GLI3: variants seen among roughly 807,000 people sequenced by gnomAD.
GLI3 encodes transcription activator GLI3.
GLI3 carries 20 observed loss-of-function variants against 100.8 expected under a neutral mutation model. That is an observed-to-expected ratio of 0.20 (90% CI 0.14 to 0.29). GLI3 has a LOEUF of 0.29. GLI3 is among the 10% of genes least tolerant of loss of function. GLI3 has a pLI of 1.00. For synonymous variants in GLI3, 938 were observed against 860.5 expected, an observed-to-expected ratio of 1.09 and a Z score of -1.58; for missense variants, 2,040 against 2,128.5, an observed-to-expected ratio of 0.96 and a Z score of 0.82.
chr7:42,062,555 A>G (rs983705881), intron 4 of GLI3, among the ~76,000 whole-genome samples: 2 of 151,490 alleles, frequency 1.3e-5, no homozygotes, highest in Non-Finnish European at 2.9e-5. Flanking sequence ...ACTGAGCCAC[A>G]AGCTTCAACA....
intron 10 of GLI3, among the ~76,000 whole-genome samples, chr7:41,990,372 T>G (rs1787951112): frequency 6.6e-6 from 1 of 152,142 alleles, no homozygotes; most frequent in African/African-American, 2.4e-5. Flanking sequence ...ACATGCAGTG[T>G]GATTCCAAGA....
chr7:42,107,220 A>G (rs1263346133), intron 3 of GLI3, among the ~76,000 whole-genome samples: 2 of 152,020 alleles, frequency 1.3e-5, no homozygotes, highest in Non-Finnish European at 1.5e-5. Flanking sequence ...AGTCCCAGCT[A>G]CTCAGGAGGC....
At chr7:42,212,869 C>CA (rs1273685180) in intron 2 of GLI3, among the ~76,000 whole-genome samples, 1 of 152,220 alleles carries the variant, frequency 6.6e-6, no homozygotes, top group East Asian at 1.9e-4. Context: ...TCAAGGGGAA[C>CA]AGAGAGCGCA....
At chr7:42,064,815 A>C (rs1009494314) in intron 4 of GLI3, among the ~76,000 whole-genome samples, 22 of 152,206 alleles carry the variant, frequency 1.4e-4, no homozygotes, top group African/African-American at 5.3e-4. Context: ...CTTCCTGATA[A>C]ATCCTCCCTC....
Position 42,141,627 on chromosome 7 carries a change from G to T in GLI3, c.367+6599C>A, listed in dbSNP as rs370845575. The stretch of plus-strand genomic sequence containing the variant: ...GCGGAGGTTGCGGTGAGCCAAGATC[G>T]CACCACTGCACTCCAGCCTGGGTGA... On this transcript the variant is annotated intron_variant, in intron 3 of 14. Transcript: ENST00000395925. 2.6e-5 allele frequency among the ~76,000 whole-genome samples: 4 copies of T among 152,152 alleles called. No homozygotes were observed. The South Asian group carries it at 8.3e-4, about 32-fold the overall frequency.
intron 10 of GLI3, among the ~76,000 whole-genome samples, chr7:42,006,071 A>C (rs1788451753): frequency 6.6e-6 from 1 of 152,238 alleles, no homozygotes; most frequent in Non-Finnish European, 1.5e-5. Flanking sequence ...ATCCCTCAAA[A>C]GATAAAATAA....
At position 42,134,246 on chromosome 7, in the gene GLI3, C is replaced by T. The variant is rs1473065671; in HGVS notation, c.367+13980G>A. Reference sequence around the variant, plus strand: ...ACAGTCCAGCAGTCTGATGTCTGCGCTCCCAGACATAAGAATACATGGTCA... The same window carrying T: ...ACAGTCCAGCAGTCTGATGTCTGCGTTCCCAGACATAAGAATACATGGTCA... On this transcript the variant is annotated intron_variant, in intron 3 of 14. Transcript: ENST00000395925. Among the ~76,000 whole-genome samples, 3 of 152,110 alleles carry T rather than the reference C, an allele frequency of 2.0e-5. No homozygotes were observed. In the East Asian group the frequency reaches 5.8e-4, roughly 29 times the overall value.
chr7:42,175,666 G>T (rs534044396), intron 2 of GLI3, among the ~76,000 whole-genome samples: 1 of 150,170 alleles, frequency 6.7e-6, no homozygotes, highest in African/African-American at 2.4e-5. Flanking sequence ...AACTTTTGCG[G>T]CTGAAAGTGA....
At chr7:41,971,042 T>G (rs963741046) in intron 13 of GLI3, among the ~76,000 whole-genome samples, 2 of 152,204 alleles carry the variant, frequency 1.3e-5, no homozygotes, top group African/African-American at 4.8e-5. Context: ...TAAATCTGCA[T>G]AGCTGATTTG....
chr7:41,994,103 GA>G (rs934593949), intron 10 of GLI3, among the ~76,000 whole-genome samples: 40 of 152,198 alleles, frequency 2.6e-4, no homozygotes, highest in African/African-American at 8.7e-4. Context: ...ACTGGCTGTA[GA>G]AAAAAATAAT....
At chr7:42,146,423 TAAAAC>T (rs1786711187) in intron 3 of GLI3, among the ~76,000 whole-genome samples, 1 of 152,098 alleles carries the variant, frequency 6.6e-6, no homozygotes. Flanking sequence ...GGGAAACCGT[TAAAAC>T]AAACGAACCA....
intron 13 of GLI3, among the ~76,000 whole-genome samples, chr7:41,968,721 A>AAAGAAAGAAAGAAAGAAAGAAAG (rs1562661800): frequency 3.5e-4 from 36 of 103,254 alleles, no homozygotes; most frequent in African/African-American, 1.7e-3. Flanking sequence ...AAGAAGAAAG[A>AAAGAAAGAAAGAAAGAAAGAAAG]AAGAAAGAAA....
At chr7:42,253,763 A>G (rs1422064383) in intron 1 of GLI3, among the ~76,000 whole-genome samples, 5 of 152,154 alleles carry the variant, frequency 3.3e-5, no homozygotes, top group African/African-American at 4.8e-5. Flanking sequence ...TGTCCTCAGT[A>G]CTCAATAAAT....
chr7:42,155,352 T>C (rs2128790667), intron 2 of GLI3, among the ~76,000 whole-genome samples: 1 of 151,130 alleles, frequency 6.6e-6, no homozygotes, highest in East Asian at 2.0e-4. Flanking sequence ...GGCAGGAGAA[T>C]CGCTTGAACC....
chr7:42,142,588 A>C (rs1480688895), intron 3 of GLI3, among the ~76,000 whole-genome samples: 1 of 152,130 alleles, frequency 6.6e-6, no homozygotes, highest in African/African-American at 2.4e-5. Context: ...TAAAACAGAG[A>C]TACGCAGACT....
intron 1 of GLI3, among the ~76,000 whole-genome samples, chr7:42,262,209 T>TTCCTTCCTTCCTTACTTAC (rs1186292634): frequency 9.0e-6 from 1 of 110,840 alleles, no homozygotes; most frequent in South Asian, 3.0e-4. Context: ...TCCTTCCTTC[T>TTCCTTCCTTCCTTACTTAC]TTCCTTCCTT....
chr7:42,076,845 A>G lies in GLI3; in HGVS notation c.380T>C (p.Leu127Pro). The G allele has an allele frequency of 6.2e-7, 1 of 1,608,516 alleles. No homozygotes were observed. Among genetic ancestry groups the G allele is most frequent in the Non-Finnish European group, 8.5e-7 (1 of 1,174,928 alleles). The change falls in exon 4 of 15, where the codon CTT becomes CCT. Residue 127 changes from leucine (L) to proline (P), a missense_variant. By Grantham distance (98) the Leu-to-Pro change is moderately conservative. Transcript: ENST00000395925. ...TACAGGAGGATGGAAGGCAGGGAAA[A>G]GATGAGGAGGGTCTGAAAAGAAGAG... ...YMEPHYHPPH[L>P]FPAFHPPVPI...
intron 3 of GLI3, among the ~76,000 whole-genome samples, chr7:42,080,860 C>T (rs1031600995): frequency 1.3e-5 from 2 of 152,128 alleles, no homozygotes; most frequent in Non-Finnish European, 1.5e-5. Flanking sequence ...ACCCACATGA[C>T]GAGAACAGGC....
At chr7:42,012,811 T>G (rs895468800) in intron 10 of GLI3, among the ~76,000 whole-genome samples, 5 of 152,220 alleles carry the variant, frequency 3.3e-5, no homozygotes, top group Non-Finnish European at 7.3e-5. Context: ...GTGTTTCACT[T>G]GCAGCTTGAC....
Sources: allele counts gnomAD v4.1 joint callset (sites outside exome capture counted in the v4.1 genomes callset), GRCh38; gene constraint gnomAD v4.1.1; transcripts MANE v1.5; gene names NCBI Gene and HGNC (gene_info 2026-07-23, HGNC 2026-07-21).